Variants in CHN2 observed in about 807,000 individuals in gnomAD.
CHN2 encodes beta-chimaerin.
Under a neutral mutation model 56.3 loss-of-function variants are expected in CHN2, and 35 were observed. The ratio of observed to expected loss-of-function variants is 0.62; its 90% CI spans 0.47 to 0.82. The LOEUF (loss-of-function observed/expected upper bound fraction) is 0.82, where lower values mean the gene tolerates loss of function less well. Among genes scored for constraint, CHN2 ranks in the 40% least tolerant of loss-of-function variants. CHN2 has a pLI of 0.00. For synonymous variants in CHN2, 210 were observed against 212.8 expected (o/e 0.99, Z 0.12); for missense variants, 491 against 580.5 (o/e 0.85, Z 1.58).
At chr7:29,155,883 C>T (rs933929831) in intron 2 of CHN2, among the ~76,000 whole-genome samples, 2 of 152,110 alleles carry the variant, frequency 1.3e-5, no homozygotes, top group Admixed American at 6.5e-5. Context: ...CACATCGGAG[C>T]GTCCTGTCAG....
chr7:29,480,965 G>A (rs1322251176), intron 7 of CHN2, among the ~76,000 whole-genome samples: 1 of 152,194 alleles, frequency 6.6e-6, no homozygotes, highest in African/African-American at 2.4e-5. Flanking sequence ...CCTGGTGAGG[G>A]GTTAAGTGGA....
Position 29,337,702 on chromosome 7 carries a change from C to T in CHN2, c.50-16923C>T, listed in dbSNP as rs769568150. 5.9e-5 allele frequency among the ~76,000 whole-genome samples: 9 copies of T among 152,264 alleles called. 1 individual carries two copies. In the South Asian group the frequency reaches 1.2e-3, roughly 21 times the overall value. ...GTGATAAATGCATGCTAATGCAGAG[C>T]TTAATGTGGAGCTTTCAGTTAGCAT... On this transcript the variant is annotated intron_variant, in intron 1 of 12. Transcript: ENST00000222792.
intron 6 of CHN2, among the ~76,000 whole-genome samples, chr7:29,469,603 G>C (rs936527644): frequency 6.6e-6 from 1 of 152,148 alleles, no homozygotes; most frequent in Non-Finnish European, 1.5e-5. Flanking sequence ...TCTTCCTCCA[G>C]ATGTCAGCAT....
At chr7:29,437,896 G>A (rs1264386584) in intron 6 of CHN2, among the ~76,000 whole-genome samples, 2 of 152,130 alleles carry the variant, frequency 1.3e-5, no homozygotes, top group African/African-American at 2.4e-5. Context: ...GCTTCATTGG[G>A]GTGTCAAGGT....
intron 7 of CHN2, 63 bp from the exon 8 acceptor site, chr7:29,495,889 T>G: frequency 3.6e-5 from 50 of 1,395,914 alleles, no homozygotes; most frequent in Non-Finnish European, 4.7e-5. Flanking sequence ...TTGACATGTC[T>G]GAGGCTACCT....
intron 1 of CHN2, among the ~76,000 whole-genome samples, chr7:29,301,822 C>T (rs1212232966): frequency 6.6e-6 from 1 of 152,196 alleles, no homozygotes; most frequent in Non-Finnish European, 1.5e-5. Flanking sequence ...TCAAATAGGT[C>T]CATGTTTGAG....
intron 6 of CHN2, among the ~76,000 whole-genome samples, chr7:29,472,313 T>TCACACGCACACACACACACACACGCAC (rs1459480414): frequency 9.0e-5 from 7 of 77,850 alleles, no homozygotes; most frequent in South Asian, 3.6e-4. Context: ...ACACACACAT[T>TCACACGCACACACACACACACACGCAC]AGACACAGAA....
intron 6 of CHN2, among the ~76,000 whole-genome samples, chr7:29,402,230 C>T (rs1422762605): frequency 6.6e-6 from 1 of 152,208 alleles, no homozygotes; most frequent in Admixed American, 6.5e-5. Context: ...ATCATGTCAA[C>T]TGATTTGCTG....
intron 1 of CHN2, among the ~76,000 whole-genome samples, chr7:29,218,247 C>CATAAAT (rs1785489937): frequency 6.6e-6 from 1 of 151,342 alleles, no homozygotes; most frequent in African/African-American, 2.4e-5. Flanking sequence ...TACCTGTAAC[C>CATAAAT]ATAAATACCA....
At chr7:29,422,755 A>T (rs1266184655) in intron 6 of CHN2, among the ~76,000 whole-genome samples, 2 of 152,136 alleles carry the variant, frequency 1.3e-5, no homozygotes, top group South Asian at 2.1e-4. Context: ...TTTTCATAGG[A>T]CTTCTCGGTG....
At chr7:29,382,411 T>G (rs1380060347) in intron 3 of CHN2, among the ~76,000 whole-genome samples, 1 of 152,194 alleles carries the variant, frequency 6.6e-6, no homozygotes, top group East Asian at 1.9e-4. Flanking sequence ...GGAACAAGTT[T>G]TGTCCCGTAG....
At chr7:29,451,782 C>G (rs1162899337) in intron 6 of CHN2, among the ~76,000 whole-genome samples, 1 of 152,100 alleles carries the variant, frequency 6.6e-6, no homozygotes, top group African/African-American at 2.4e-5. Flanking sequence ...TGTGATTAGC[C>G]CCCCGTCTTA....
At chr7:29,494,482 G>C (rs2128566429) in intron 7 of CHN2, among the ~76,000 whole-genome samples, 1 of 152,156 alleles carries the variant, frequency 6.6e-6, no homozygotes, top group African/African-American at 2.4e-5. Flanking sequence ...TTCAATCTTG[G>C]TAGGCCTCTA....
chr7:29,456,964 A>G (rs974196152), intron 6 of CHN2, among the ~76,000 whole-genome samples: 1 of 151,874 alleles, frequency 6.6e-6, no homozygotes, highest in African/African-American at 2.4e-5. Context: ...CAACTCATTC[A>G]GGCCACAGTC....
intron 1 of CHN2, among the ~76,000 whole-genome samples, chr7:29,263,371 A>C (rs1399746411): frequency 2.6e-5 from 4 of 152,072 alleles, no homozygotes; most frequent in African/African-American, 9.7e-5. Context: ...GTGATCTCGG[A>C]TCGCTACAAC....
At chr7:29,298,081 C>T (rs1793333743) in intron 1 of CHN2, among the ~76,000 whole-genome samples, 1 of 152,116 alleles carries the variant, frequency 6.6e-6, no homozygotes, top group South Asian at 2.1e-4. Context: ...GGTGCCAAAG[C>T]GGCTTTCACC....
At chr7:29,395,316 A>G (rs1801660706) in intron 4 of CHN2, among the ~76,000 whole-genome samples, 1 of 152,178 alleles carries the variant, frequency 6.6e-6, no homozygotes, top group South Asian at 2.1e-4. Flanking sequence ...TGTGCTCAGG[A>G]GATTAAGACC....
chr7:29,318,072 C>A (rs180850111), intron 1 of CHN2, among the ~76,000 whole-genome samples: 5 of 152,264 alleles, frequency 3.3e-5, no homozygotes, highest in African/African-American at 9.6e-5. Context: ...CCAGTGTTAG[C>A]CCTGGGTCCA....
At chr7:29,319,466 G>A (rs1329474548) in intron 1 of CHN2, among the ~76,000 whole-genome samples, 2 of 152,156 alleles carry the variant, frequency 1.3e-5, no homozygotes, top group South Asian at 4.1e-4. Flanking sequence ...ACCAAAGTGT[G>A]CTTTGTATTC....
Sources: gnomAD v4.1 joint callset for allele counts (sites outside exome capture counted in the v4.1 genomes callset) on GRCh38, gnomAD v4.1.1 for gene constraint, MANE v1.5 for transcripts, NCBI Gene and HGNC (gene_info 2026-07-23, HGNC 2026-07-21) for gene names.